LRRC37A2: variants seen among roughly 807,000 people sequenced by gnomAD.
The protein encoded by LRRC37A2 is leucine-rich repeat-containing protein 37A2.
LRRC37A2 carries 9 observed loss-of-function variants against 68.8 expected under a neutral mutation model. That is an observed-to-expected ratio of 0.13 (90% CI 0.08 to 0.23). The LOEUF (loss-of-function observed/expected upper bound fraction) is 0.23. Ranked by LOEUF, LRRC37A2 falls within the 10% of genes least tolerant of loss-of-function variation. The pLI is 1.00. For missense variants in LRRC37A2, 168 were observed against 950.4 expected (o/e 0.18, Z 10.82); for synonymous variants, 63 against 367.6 (o/e 0.17, Z 9.48).
chr17:46,923,865 A>G, the LRRC37A2 span: 13 of 398,310 alleles, frequency 3.3e-5, no homozygotes, highest in African/African-American at 2.3e-4. Context: ...TGAGATACGT[A>G]GTTGAGTATT....
chr17:46,979,409 G>A, the LRRC37A2 span, among the ~76,000 whole-genome samples: 2 of 152,184 alleles, frequency 1.3e-5, no homozygotes, highest in East Asian at 1.9e-4. Context: ...AGGGGGTCGG[G>A]AGATCCGGCA....
chr17:47,035,821 T>A, the LRRC37A2 span, among the ~76,000 whole-genome samples: 1,517 of 152,224 alleles, frequency 1.0e-2, 27 homozygotes, highest in African/African-American at 0.035. Context: ...TTGTCAACAC[T>A]GTCGTTGTCT....
At chr17:46,489,026 C>T in the LRRC37A2 span, among the ~76,000 whole-genome samples, 2 of 93,772 alleles carry the variant, frequency 2.1e-5, no homozygotes, top group African/African-American at 8.0e-5. Flanking sequence ...ATGAATGTCC[C>T]GCTTTAAAAA....
the LRRC37A2 span, among the ~76,000 whole-genome samples, chr17:46,862,979 C>G: frequency 6.6e-6 from 1 of 152,250 alleles, no homozygotes; most frequent in Admixed American, 6.5e-5. Flanking sequence ...TCCCCAGGAA[C>G]TGAGGTTCAG....
At chr17:46,967,851 T>C in the LRRC37A2 span, among the ~76,000 whole-genome samples, 1 of 152,016 alleles carries the variant, frequency 6.6e-6, no homozygotes, top group East Asian at 1.9e-4. Flanking sequence ...CAGAGACCAT[T>C]TGGGGGCTAT....
chr17:46,929,428 G>A, the LRRC37A2 span: 10 of 765,416 alleles, frequency 1.3e-5, no homozygotes, highest in Non-Finnish European at 2.2e-5. Context: ...ATTTAAATCA[G>A]TTACATGTTG....
chr17:46,976,073 CTCA>C, the LRRC37A2 span, among the ~76,000 whole-genome samples: 1 of 151,864 alleles, frequency 6.6e-6, no homozygotes, highest in Non-Finnish European at 1.5e-5. Flanking sequence ...ACTACAGGTG[CTCA>C]TCACCACGCC....
At chr17:46,782,048 G>A in the LRRC37A2 span, among the ~76,000 whole-genome samples, 2 of 152,210 alleles carry the variant, frequency 1.3e-5, no homozygotes, top group African/African-American at 2.4e-5. Flanking sequence ...GGGTGGAGCT[G>A]CAGAAGGTGG....
the LRRC37A2 span, among the ~76,000 whole-genome samples, chr17:46,851,042 T>C: frequency 6.6e-6 from 1 of 152,182 alleles, no homozygotes; most frequent in Non-Finnish European, 1.5e-5. This position sits in a 1 kb window ranked among gnomAD's most constrained non-coding sequence, Gnocchi z 4.3. Flanking sequence ...CCCTGAGCCA[T>C]TGGACATGCA....
the LRRC37A2 span, among the ~76,000 whole-genome samples, chr17:46,934,059 C>T: frequency 6.6e-6 from 1 of 152,184 alleles, no homozygotes; most frequent in South Asian, 2.1e-4. Context: ...TGCCTATAGT[C>T]CACTTTCAGA....
chr17:46,986,900 G>A, the LRRC37A2 span, among the ~76,000 whole-genome samples: 7 of 152,286 alleles, frequency 4.6e-5, no homozygotes, highest in African/African-American at 1.7e-4. Context: ...AGGAAGGGCA[G>A]TCCCACAGAG....
chr17:46,849,849 C>CTTTTT, the LRRC37A2 span, among the ~76,000 whole-genome samples: 34 of 145,792 alleles, frequency 2.3e-4, 1 homozygote, highest in South Asian at 2.2e-4. Flanking sequence ...CATTTAATAT[C>CTTTTT]TTTTTTTTTT....
At chr17:46,795,904 G>A in the LRRC37A2 span, among the ~76,000 whole-genome samples, 5 of 151,930 alleles carry the variant, frequency 3.3e-5, no homozygotes, top group African/African-American at 9.7e-5. Context: ...ATGCATGCAC[G>A]CACACACACG....
chr17:46,827,413 T>C, the LRRC37A2 span, among the ~76,000 whole-genome samples: 1 of 152,084 alleles, frequency 6.6e-6, no homozygotes, highest in Non-Finnish European at 1.5e-5. Context: ...TTGTTTTGGG[T>C]TGGGATACCT....
chr17:46,958,631 G>A, the LRRC37A2 span, among the ~76,000 whole-genome samples: 3 of 152,342 alleles, frequency 2.0e-5, no homozygotes, highest in African/African-American at 7.2e-5. Context: ...CAGCTCAGGG[G>A]AGGGGGCCAT....
chr17:46,816,938 C>T, the LRRC37A2 span, among the ~76,000 whole-genome samples: 1 of 152,210 alleles, frequency 6.6e-6, no homozygotes, highest in African/African-American at 2.4e-5. Context: ...ACTGGCCGAA[C>T]CTCCTTCCTG....
chr17:46,959,377 G>A, the LRRC37A2 span, among the ~76,000 whole-genome samples: 3 of 152,116 alleles, frequency 2.0e-5, no homozygotes, highest in African/African-American at 7.2e-5. Flanking sequence ...ATTTCTTTTT[G>A]TCTGGTAGTC....
chr17:46,942,366 G>C, the LRRC37A2 span, among the ~76,000 whole-genome samples: 1 of 152,168 alleles, frequency 6.6e-6, no homozygotes, highest in East Asian at 1.9e-4. Flanking sequence ...TCTCACTTAT[G>C]TTCTCCATCA....
At chr17:46,525,523 G>T (rs1276366272) in intron 6 of LRRC37A2, among the ~76,000 whole-genome samples, 3 of 111,524 alleles carry the variant, frequency 2.7e-5, no homozygotes, top group African/African-American at 6.4e-5. Flanking sequence ...GGAGGCGGAG[G>T]TTGCAGTGAG....
Sources: allele counts gnomAD v4.1 joint callset (sites outside exome capture counted in the v4.1 genomes callset), GRCh38; gene constraint gnomAD v4.1.1; non-coding constraint Gnocchi (gnomAD v3.1); transcripts MANE v1.5; gene names NCBI Gene and HGNC (gene_info 2026-07-23, HGNC 2026-07-21).